The following TNRC6C variants were observed in gnomAD, a reference collection of about 807,000 sequenced individuals.
TNRC6C encodes the protein trinucleotide repeat-containing gene 6C protein.
Under a neutral mutation model 153.7 loss-of-function variants are expected in TNRC6C, and 20 were observed. The ratio of observed to expected loss-of-function variants is 0.13; its 90% confidence interval spans 0.09 to 0.19. The LOEUF is 0.19. Among genes scored for constraint, TNRC6C ranks in the 10% least tolerant of loss-of-function variants. The probability of loss-of-function intolerance (pLI) is 1.00; values close to 1 mark genes in which losing one functional copy is unlikely to be tolerated. For synonymous variants in TNRC6C, 811 were observed against 841.4 expected, an observed-to-expected ratio of 0.96 and a Z score of 0.63; for missense variants, 1,987 against 2,172.0, an observed-to-expected ratio of 0.91 and a Z score of 1.69.
intron 1 of TNRC6C, among the ~76,000 whole-genome samples, chr17:77,961,441 CCA>C (rs2070861886): frequency 6.6e-6 from 1 of 152,212 alleles, no homozygotes; most frequent in Non-Finnish European, 1.5e-5. Context: ...CAGGCGTGAG[CCA>C]CCACGCTCGG....
chr17:78,030,036 C>T (rs2072032378), intron 1 of TNRC6C, among the ~76,000 whole-genome samples: 1 of 152,070 alleles, frequency 6.6e-6, no homozygotes, highest in Non-Finnish European at 1.5e-5. Context: ...AGAAGCAATA[C>T]ACTCTAAAAT....
chr17:78,083,370 G>A (rs1375534011), intron 11 of TNRC6C, among the ~76,000 whole-genome samples: 1 of 152,194 alleles, frequency 6.6e-6, no homozygotes, highest in East Asian at 1.9e-4. Context: ...TGGCCTCTTT[G>A]TTTTTGTTTT....
intron 1 of TNRC6C, among the ~76,000 whole-genome samples, chr17:77,972,009 T>C (rs748936479): frequency 1.3e-5 from 2 of 152,052 alleles, no homozygotes; most frequent in Non-Finnish European, 2.9e-5. Flanking sequence ...TTCTACCTTC[T>C]GAATCTAGAG....
chr17:78,069,969 G>T (rs1410996325), intron 5 of TNRC6C, among the ~76,000 whole-genome samples: 4 of 152,172 alleles, frequency 2.6e-5, no homozygotes, highest in African/African-American at 9.7e-5. Flanking sequence ...CAGGAACTAA[G>T]CAAATGGGGT....
chr17:78,004,135 A>G, upstream of TNRC6C: 1 of 1,231,684 alleles, frequency 8.1e-7, no homozygotes, highest in South Asian at 4.1e-5. Flanking sequence ...TAACATGATC[A>G]TCAAACTTAT....
intron 1 of TNRC6C, among the ~76,000 whole-genome samples, chr17:78,013,958 A>G (rs1567915289): frequency 6.6e-6 from 1 of 152,198 alleles, no homozygotes; most frequent in Non-Finnish European, 1.5e-5. Context: ...GGCTTTTCCA[A>G]ATCAGTTTGA....
intron 1 of TNRC6C, among the ~76,000 whole-genome samples, chr17:77,988,283 G>A (rs2071200959): frequency 6.6e-6 from 1 of 152,182 alleles, no homozygotes; most frequent in African/African-American, 2.4e-5. Context: ...GGAGGCTGAG[G>A]TGGGAGAGTC....
At chr17:78,074,631 C>T (rs1311153272) in intron 7 of TNRC6C, among the ~76,000 whole-genome samples, 1 of 152,212 alleles carries the variant, frequency 6.6e-6, no homozygotes, top group Non-Finnish European at 1.5e-5. Flanking sequence ...GTATCCCCCA[C>T]ATCTGGAAGA....
At chr17:78,061,250 A>G (rs953568242) in intron 3 of TNRC6C, among the ~76,000 whole-genome samples, 2 of 152,230 alleles carry the variant, frequency 1.3e-5, no homozygotes, top group African/African-American at 4.8e-5. Context: ...TACCTCATCA[A>G]TTCTAACTTT....
intron 3 of TNRC6C, among the ~76,000 whole-genome samples, chr17:78,060,072 G>A (rs72894073): frequency 0.1 from 15,685 of 152,090 alleles, 874 homozygotes; most frequent in East Asian, 0.18. Flanking sequence ...GTTTCTAGAA[G>A]GGACCCCGAA....
intron 8 of TNRC6C, among the ~76,000 whole-genome samples, chr17:78,076,630 G>A (rs1299689359): frequency 1.3e-5 from 2 of 152,160 alleles, no homozygotes; most frequent in African/African-American, 4.8e-5. Flanking sequence ...ATAATGCACA[G>A]GCTGGTTGTG....
intron 7 of TNRC6C, among the ~76,000 whole-genome samples, chr17:78,073,726 T>C (rs2073037536): frequency 6.6e-6 from 1 of 152,180 alleles, no homozygotes; most frequent in African/African-American, 2.4e-5. Context: ...TGTCAACCAA[T>C]CAATATATAA....
chr17:77,973,467 A>G (rs1002387350), intron 1 of TNRC6C, among the ~76,000 whole-genome samples: 2 of 152,248 alleles, frequency 1.3e-5, no homozygotes, highest in African/African-American at 4.8e-5. Flanking sequence ...GCTATTCAGC[A>G]CTGATCTAGA....
exon 14 of TNRC6C, chr17:78,091,531 C>G (rs1279102060): frequency 1.2e-6 from 2 of 1,609,202 alleles, no homozygotes; most frequent in African/African-American, 1.3e-5. Context: ...CACGCCTCCC[C>G]CAGTGGACGC....
intron 3 of TNRC6C, among the ~76,000 whole-genome samples, chr17:78,055,345 A>G (rs1217690519): frequency 6.6e-6 from 1 of 152,204 alleles, no homozygotes; most frequent in East Asian, 1.9e-4. Context: ...TGGAGATCCA[A>G]TAACAGGAAG....
intron 1 of TNRC6C, among the ~76,000 whole-genome samples, chr17:78,024,578 G>A (rs1029453185): frequency 6.7e-6 from 1 of 150,128 alleles, no homozygotes; most frequent in Non-Finnish European, 1.5e-5. Context: ...TGTTAGCCAG[G>A]ATGGTCTCAA....
At chr17:77,980,905 A>G (rs2071066786) in intron 1 of TNRC6C, among the ~76,000 whole-genome samples, 1 of 152,240 alleles carries the variant, frequency 6.6e-6, no homozygotes, top group Admixed American at 6.5e-5. Context: ...CCCTCCTGGC[A>G]TCTCCATTTG....
chr17:78,005,144 AC>A, intron 1 of TNRC6C, 65 bp downstream of exon 3: 1 of 1,121,016 alleles, frequency 8.9e-7, no homozygotes, highest in Non-Finnish European at 1.1e-6. Flanking sequence ...GACCAGGATG[AC>A]TTTTTTTTTT....
At chr17:77,959,574 T>C (rs1036692619) in intron 1 of TNRC6C, among the ~76,000 whole-genome samples, 7 of 152,132 alleles carry the variant, frequency 4.6e-5, no homozygotes, top group Non-Finnish European at 1.0e-4. Context: ...AGCGGTGAAA[T>C]TCGGTCCTTT....
Sources: allele counts gnomAD v4.1 joint callset (sites outside exome capture counted in the v4.1 genomes callset), GRCh38; gene constraint gnomAD v4.1.1; transcripts MANE v1.5; gene names NCBI Gene and HGNC (gene_info 2026-07-23, HGNC 2026-07-21).